Variants in GDPD5 observed in about 807,000 individuals in gnomAD.
The protein encoded by GDPD5 is glycerophosphodiester phosphodiesterase 2.
In GDPD5, 48 loss-of-function variants were observed where a neutral mutation model predicts 75.1. The ratio of observed to expected loss-of-function variants is 0.64; its 90% confidence interval spans 0.51 to 0.81. The LOEUF is 0.81. GDPD5 is among the 40% of genes least tolerant of loss of function. The probability of loss-of-function intolerance (pLI) is 0.00; values close to 1 mark genes in which losing one functional copy is unlikely to be tolerated. For missense variants in GDPD5, 706 were observed against 822.6 expected (o/e 0.86, Z 1.73); for synonymous variants, 336 against 339.0 (o/e 0.99, Z 0.10).
At chr11:75,455,401 G>A in intron 6 of GDPD5, 1 of 456,378 alleles carries the variant, frequency 2.2e-6, no homozygotes, top group Non-Finnish European at 4.4e-6. Flanking sequence ...ACCAGGGGCT[G>A]CTCACGGCTC....
At chr11:75,449,705 C>A in intron 7 of GDPD5, 95 bp from the exon 8 acceptor site, 1 of 1,369,720 alleles carries the variant, frequency 7.3e-7, no homozygotes, top group South Asian at 1.3e-5. Flanking sequence ...AGGCAGGCAA[C>A]CCTGTCTCCA....
intron 1 of GDPD5, chr11:75,506,897 T>G (rs945911391): frequency 6.6e-6 from 1 of 152,046 alleles, no homozygotes; most frequent in Non-Finnish European, 1.5e-5. Flanking sequence ...GGCTCTAGAG[T>G]GTGCACCCTG....
chr11:75,449,660 G>C (rs550234228), intron 7 of GDPD5, 50 bp from the exon 8 acceptor site: 2 of 1,531,582 alleles, frequency 1.3e-6, no homozygotes, highest in East Asian at 4.8e-5. Flanking sequence ...GCTCTGCCCA[G>C]ACCCTGTGTC....
intron 3 of GDPD5, among the ~76,000 whole-genome samples, chr11:75,471,909 A>T (rs982111905): frequency 6.6e-6 from 1 of 152,098 alleles, no homozygotes; most frequent in African/African-American, 2.4e-5. Flanking sequence ...TAATAATATC[A>T]TCTCCTAGTT....
At chr11:75,512,281 G>GACACACACACAC (rs145862089) in intron 1 of GDPD5, among the ~76,000 whole-genome samples, 13,865 of 122,970 alleles carry the variant, frequency 0.11, 1,184 homozygotes, top group African/African-American at 0.14. Flanking sequence ...AATTGGGAAG[G>GACACACACACAC]ACACACACAC....
At chr11:75,483,823 G>T (rs953035166) in intron 2 of GDPD5, among the ~76,000 whole-genome samples, 1 of 152,222 alleles carries the variant, frequency 6.6e-6, no homozygotes. Context: ...GTGAATGCCA[G>T]GGGCTGGGAG....
At chr11:75,499,998 A>G (rs1950277262) in intron 1 of GDPD5, among the ~76,000 whole-genome samples, 1 of 152,118 alleles carries the variant, frequency 6.6e-6, no homozygotes, top group Admixed American at 6.5e-5. Context: ...TACCCTGCAG[A>G]TATGAAGACT....
At position 75,521,247 on chromosome 11, in the gene GDPD5, C is replaced by T. The variant is rs147333485; in HGVS notation, c.-145+3963G>A. Among the ~76,000 whole-genome samples, 681 of 152,316 alleles carry T rather than the reference C, an allele frequency of 4.5e-3. 7 individuals carry two copies. Among genetic ancestry groups the T allele is most frequent in the African/African-American group, 0.016 (648 of 41,560 alleles). ...GTCCTTCCTGGGCCCCATGCTCAGT[C>T]CAACACTGCCCTTCCTTAGCCTTGA... is the stretch of plus-strand genomic sequence containing the variant. On this transcript the variant is annotated intron_variant, in intron 1 of 16. Coordinates refer to ENST00000336898, the MANE Select transcript of GDPD5 (RefSeq NM_030792.8).
chr11:75,460,700 C>T (rs1949391678), intron 4 of GDPD5, among the ~76,000 whole-genome samples: 1 of 152,070 alleles, frequency 6.6e-6, no homozygotes, highest in African/African-American at 2.4e-5. Flanking sequence ...CCCGCCTTGG[C>T]CTCCCAACGT....
chr11:75,448,710 C>T, intron 9 of GDPD5: 1 of 1,165,438 alleles, frequency 8.6e-7, no homozygotes. Flanking sequence ...CTAACTGGCA[C>T]CTGGGTCTAG....
intron 2 of GDPD5, among the ~76,000 whole-genome samples, chr11:75,486,688 A>G (rs1248900991): frequency 1.3e-5 from 2 of 151,850 alleles, no homozygotes; most frequent in Non-Finnish European, 2.9e-5. Context: ...TGCCTGGCAA[A>G]CTCCTGCTCA....
chr11:75,454,248 CAT>C (rs1413266459), intron 6 of GDPD5, among the ~76,000 whole-genome samples: 1 of 152,172 alleles, frequency 6.6e-6, no homozygotes, highest in South Asian at 2.1e-4. Flanking sequence ...GTTACTCAAA[CAT>C]GTGAAAAATG....
chr11:75,516,855 G>A (rs534551008), intron 1 of GDPD5, among the ~76,000 whole-genome samples: 4 of 152,328 alleles, frequency 2.6e-5, no homozygotes, highest in Admixed American at 2.0e-4. Flanking sequence ...ACAAAGCCAG[G>A]ATCAACATAA....
At chr11:75,523,555 G>T (rs896433991) in intron 1 of GDPD5, among the ~76,000 whole-genome samples, 1 of 152,194 alleles carries the variant, frequency 6.6e-6, no homozygotes, top group African/African-American at 2.4e-5. Context: ...GTAACACACA[G>T]CCTGCCATAA....
intron 1 of GDPD5, among the ~76,000 whole-genome samples, chr11:75,504,670 G>A (rs1048423011): frequency 2.6e-5 from 4 of 152,112 alleles, no homozygotes; most frequent in African/African-American, 9.7e-5. Flanking sequence ...GGAGAAATGG[G>A]GAGTAGTTGT....
intron 2 of GDPD5, among the ~76,000 whole-genome samples, chr11:75,484,030 T>C (rs1028680121): frequency 2.0e-5 from 3 of 152,018 alleles, no homozygotes; most frequent in East Asian, 3.9e-4. Flanking sequence ...CTACTAAAAA[T>C]ACAAAAATTA....
chr11:75,439,868 A>C lies in GDPD5; in HGVS notation c.1556+11T>G, dbSNP rs1264525745. On this transcript the variant is annotated intron_variant, in intron 15 of 16. Coordinates refer to ENST00000336898, the MANE Select transcript of GDPD5 (RefSeq NM_030792.8). ...TAGGGACAGCCACGGAAGTGGTCAG[A>C]TCCTACTCACTTCTGGAGCACGAAG... 29 of 1,608,550 alleles carry C rather than the reference A, an allele frequency of 1.8e-5. No homozygotes were observed. The highest frequency in any genetic ancestry group is 1.3e-5 in the Non-Finnish European group (15 of 1,175,248).
At chr11:75,470,717 A>T (rs1247713562) in intron 3 of GDPD5, among the ~76,000 whole-genome samples, 1 of 152,242 alleles carries the variant, frequency 6.6e-6, no homozygotes, top group Non-Finnish European at 1.5e-5. Context: ...AATACATCTT[A>T]ATCCATCTGG....
In GDPD5 at chr11:75,515,288, G is replaced by C. The variant is rs186785018; in HGVS notation, c.-145+9922C>G. On this transcript the variant is annotated intron_variant, in intron 1 of 16. Coordinates refer to ENST00000336898, the MANE Select transcript of GDPD5 (RefSeq NM_030792.8). ...ACACCCCGTGGGGGCCTCCCACATG[G>C]TTTCCATGCAAAGTGTCATATCTTC... Among the ~76,000 whole-genome samples, 14 of 152,332 alleles carry C rather than the reference G, an allele frequency of 9.2e-5. No homozygotes were observed. In the East Asian group the frequency reaches 2.7e-3, roughly 29 times the overall value.
Sources: gnomAD v4.1 joint callset for allele counts (sites outside exome capture counted in the v4.1 genomes callset) on GRCh38, gnomAD v4.1.1 for gene constraint, MANE v1.5 for transcripts, NCBI Gene and HGNC (gene_info 2026-07-23, HGNC 2026-07-21) for gene names.